Variants in KCNAB2 observed in about 807,000 individuals in gnomAD.
KCNAB2 encodes potassium voltage-gated channel subfamily A regulatory beta subunit 2, also known as voltage-gated potassium channel subunit beta-2.
KCNAB2 carries 29 observed loss-of-function variants against 63.6 expected under a neutral mutation model. That is an observed-to-expected ratio of 0.46 (90% CI 0.34 to 0.62). The LOEUF (loss-of-function observed/expected upper bound fraction) is 0.62. Among genes scored for constraint, KCNAB2 ranks in the 20% least tolerant of loss-of-function variants. The pLI is 0.01. For synonymous variants in KCNAB2, 222 were observed against 224.2 expected (o/e 0.99, Z 0.09); for missense variants, 359 against 563.9 (o/e 0.64, Z 3.68).
intron 4 of KCNAB2, among the ~76,000 whole-genome samples, chr1:6,080,182 G>A (rs931036575): frequency 3.3e-5 from 5 of 152,212 alleles, no homozygotes; most frequent in African/African-American, 7.2e-5. Flanking sequence ...CCAGCGCACC[G>A]TGCCCTCCTG....
chr1:6,040,677 C>T, intron 2 of KCNAB2: 1 of 1,379,428 alleles, frequency 7.2e-7, no homozygotes, highest in Admixed American at 1.7e-5. Flanking sequence ...CAGGCCCCCT[C>T]CCAGGGTCAG....
chr1:6,026,395 C>G (rs1222038918), intron 1 of KCNAB2: 2 of 152,374 alleles, frequency 1.3e-5, no homozygotes, highest in East Asian at 3.9e-4. Flanking sequence ...TGGCGTTCCC[C>G]TGAGTGCTCG....
Position 6,071,673 on chromosome 1 carries a change from G to A in KCNAB2, c.219-1082G>A, listed in dbSNP as rs1377911435. ...TGCCGCTTAGGACTCCTGCCACCGC[G>A]TAGGGCTCTGCTGCGTAGGACTCCT... On this transcript the variant is annotated intron_variant, in intron 2 of 15. Transcript: ENST00000378083. The surrounding 1 kb of genome is among the most constrained non-coding windows in gnomAD (Gnocchi z 8.5). 2.0e-5 allele frequency among the ~76,000 whole-genome samples: 3 copies of A among 152,038 alleles called. No individual in the cohort carries two copies. The highest frequency in any genetic ancestry group is 6.6e-5 in the Admixed American group (1 of 15,262).
chr1:6,064,090 C>G (rs1011209687), intron 2 of KCNAB2, among the ~76,000 whole-genome samples: 1 of 152,160 alleles, frequency 6.6e-6, no homozygotes, highest in Non-Finnish European at 1.5e-5. Flanking sequence ...CGACGGTTTA[C>G]CAGAGTGCAG....
chr1:6,045,228 C>T (rs971178500), upstream of KCNAB2, among the ~76,000 whole-genome samples: 16 of 152,250 alleles, frequency 1.1e-4, no homozygotes, highest in African/African-American at 3.6e-4. This position sits in a 1 kb window ranked among gnomAD's most constrained non-coding sequence, Gnocchi z 4.8. Context: ...CATGGGGGGA[C>T]GGTTCTGCCT....
At chr1:6,030,582 T>G (rs1304371033), upstream of KCNAB2, among the ~76,000 whole-genome samples, 4 of 151,920 alleles carry the variant, frequency 2.6e-5, no homozygotes, top group Non-Finnish European at 5.9e-5. Flanking sequence ...TGTGTGTAGG[T>G]ATGTTTGTAT....
chr1:6,007,771 G>A (rs1052311651), intron 1 of KCNAB2: 1 of 152,366 alleles, frequency 6.6e-6, no homozygotes, highest in Non-Finnish European at 1.5e-5. Context: ...ACCCCCGAAG[G>A]AGGGGATGGC....
intron 1 of KCNAB2, among the ~76,000 whole-genome samples, chr1:6,049,604 G>C (rs894087852): frequency 1.1e-4 from 16 of 152,206 alleles, no homozygotes; most frequent in Non-Finnish European, 2.1e-4. Context: ...TAGGGAGGGG[G>C]CCATCCAGCC....
At chr1:6,072,284 G>T (rs1249359402) in intron 2 of KCNAB2, among the ~76,000 whole-genome samples, 1 of 152,236 alleles carries the variant, frequency 6.6e-6, no homozygotes, top group Non-Finnish European at 1.5e-5. Context: ...AGGGACAGAT[G>T]CACAGGCCAT....
At chr1:6,085,308 GTCAGCC>G in intron 6 of KCNAB2, 60 bp downstream of exon 6, 1 of 1,477,940 alleles carries the variant, frequency 6.8e-7, no homozygotes, top group Non-Finnish European at 9.5e-7. Context: ...CTATCCCAGG[GTCAGCC>G]TCGTCGGCCT....
chr1:6,095,224 C>T (rs902057473), intron 11 of KCNAB2, 99 bp from the exon 12 acceptor site: 48 of 1,316,638 alleles, frequency 3.6e-5, no homozygotes, highest in Non-Finnish European at 5.0e-5. Flanking sequence ...CTGGGCCAGC[C>T]TGCTCCGGGG....
In KCNAB2 at chr1:6,071,238, T is replaced by C. The variant is rs1663159743; in HGVS notation, c.219-1517T>C. On this transcript the variant is annotated intron_variant, in intron 2 of 15. Transcript: ENST00000378083. This position sits in a 1 kb window ranked among gnomAD's most constrained non-coding sequence, Gnocchi z 8.5. ...AAGAGGATAAACTGAGGACATCGCA[T>C]CCTCCGAAGTTGGAAGTGTCATGGC... Among the ~76,000 whole-genome samples, 1 of 152,124 alleles carries C rather than the reference T, an allele frequency of 6.6e-6. No individual in the cohort carries two copies. Among genetic ancestry groups the C allele is most frequent in the African/African-American group, 2.4e-5 (1 of 41,440 alleles).
rs772941676 is a variant in KCNAB2, at chr1:6,073,722, T to C, written c.263-11T>C. ...CAGGTTCCTAACTTGAGCCCCTGTG[T>C]CTCCTTCCAGGAACATGGGTGACCT... is the stretch of plus-strand genomic sequence containing the variant. On this transcript the variant is annotated splice_polypyrimidine_tract_variant and intron_variant, in intron 3 of 15. Transcript: ENST00000378083. The surrounding 1 kb of genome is among the most constrained non-coding windows in gnomAD (Gnocchi z 5.7). 3 of 1,614,082 alleles carry C rather than the reference T, an allele frequency of 1.9e-6. No individual in the cohort carries two copies. Among genetic ancestry groups the C allele is most frequent in the Non-Finnish European group, 2.5e-6 (3 of 1,179,972 alleles).
At chr1:6,041,769 C>A, upstream of KCNAB2, 2 of 1,466,406 alleles carry the variant, frequency 1.4e-6, no homozygotes, top group Non-Finnish European at 1.9e-6. Flanking sequence ...TTGATGCCAA[C>A]TGTGGACTCT....
intron 1 of KCNAB2, among the ~76,000 whole-genome samples, chr1:6,007,912 C>CAGCCCT (rs879637571): frequency 6.6e-6 from 1 of 152,186 alleles, no homozygotes; most frequent in Middle Eastern, 3.2e-3. Flanking sequence ...GCTGCAGCCG[C>CAGCCCT]AGCCCTGAGA....
In KCNAB2 at chr1:6,086,341, G is replaced by C; in HGVS notation, c.425+1093G>C. 1 of 984,494 alleles carries C rather than the reference G, an allele frequency of 1.0e-6. No individual in the cohort carries two copies. The highest frequency in any genetic ancestry group is 1.2e-6 in the Non-Finnish European group (1 of 829,850). 61.0% of individuals were successfully genotyped at this position (984,494 alleles called of 1,614,324 possible). Reference sequence around the variant, plus strand: ...CCCAAAACAAATTCCTCCTCACCCTGTAATTAAACGAAATTGCACGTATTA... The same window carrying C: ...CCCAAAACAAATTCCTCCTCACCCTCTAATTAAACGAAATTGCACGTATTA... On this transcript the variant is annotated intron_variant, in intron 6 of 15. Transcript: ENST00000378083. The surrounding 1 kb of genome is among the most constrained non-coding windows in gnomAD (Gnocchi z 4.2).
rs185996636 is a variant in KCNAB2 at position 6,081,127 on chromosome 1, C to A, written c.301-1068C>A. 1.8e-3 allele frequency among the ~76,000 whole-genome samples: 272 copies of A among 152,356 alleles called. 1 individual carries two copies. Among genetic ancestry groups the A allele is most frequent in the Non-Finnish European group, 3.2e-3 (221 of 68,036 alleles). On this transcript the variant is annotated intron_variant, in intron 4 of 15. Transcript: ENST00000378083. ...CACGACCAGTTCTTTGCTCATGGAG[C>A]ACAATCGCGTCCTGACAGCAGCCAT...
At chr1:6,051,262 C>T (rs2100532109) in intron 1 of KCNAB2, among the ~76,000 whole-genome samples, 1 of 152,352 alleles carries the variant, frequency 6.6e-6, no homozygotes, top group Middle Eastern at 3.4e-3. Flanking sequence ...GTGCTTGTCT[C>T]ACAGATGCAG....
At chr1:6,045,560 C>G (rs1425459504), upstream of KCNAB2, among the ~76,000 whole-genome samples, 16 of 152,300 alleles carry the variant, frequency 1.1e-4, no homozygotes, top group South Asian at 1.7e-3. This position sits in a 1 kb window ranked among gnomAD's most constrained non-coding sequence, Gnocchi z 4.8. Context: ...ATACCCATCT[C>G]GGGTGTATCC....
Sources: allele counts gnomAD v4.1 joint callset (sites outside exome capture counted in the v4.1 genomes callset), GRCh38; gene constraint gnomAD v4.1.1; non-coding constraint Gnocchi (gnomAD v3.1); transcripts MANE v1.5; gene names NCBI Gene and HGNC (gene_info 2026-07-23, HGNC 2026-07-21).